MARCHF1: variants seen among roughly 807,000 people sequenced by gnomAD.
The protein encoded by MARCHF1 is membrane associated ring-CH-type finger 1.
In MARCHF1, 40 loss-of-function variants were observed where a neutral mutation model predicts 54.2. The ratio of observed to expected loss-of-function variants is 0.74; its 90% CI spans 0.57 to 0.96. The LOEUF (loss-of-function observed/expected upper bound fraction) is 0.96, where lower values mean the gene tolerates loss of function less well. MARCHF1 is among the 40% of genes least tolerant of loss of function. MARCHF1 has a pLI of 0.00. For missense variants in MARCHF1, 586 were observed against 656.5 expected (o/e 0.89, Z 1.17); for synonymous variants, 236 against 236.3 (o/e 1.00, Z 0.01).
At chr4:163,709,660 A>G (rs1745049622) in intron 4 of MARCHF1, among the ~76,000 whole-genome samples, 1 of 152,230 alleles carries the variant, frequency 6.6e-6, no homozygotes. Context: ...ATATACAGGC[A>G]CTAAATTATT....
chr4:163,976,440 A>G (rs530235188), intron 3 of MARCHF1, among the ~76,000 whole-genome samples: 1 of 152,296 alleles, frequency 6.6e-6, no homozygotes, highest in African/African-American at 2.4e-5. Flanking sequence ...GAAGAAATAT[A>G]AATAACTGTG....
At chr4:163,708,105 G>T (rs933785372) in intron 4 of MARCHF1, among the ~76,000 whole-genome samples, 2 of 151,534 alleles carry the variant, frequency 1.3e-5, no homozygotes, top group African/African-American at 2.4e-5. Flanking sequence ...ATCCCCCCCT[G>T]TAGCAGCAGC....
intron 1 of MARCHF1, among the ~76,000 whole-genome samples, chr4:164,326,158 T>A (rs985671761): frequency 2.6e-5 from 4 of 152,196 alleles, no homozygotes; most frequent in Non-Finnish European, 4.4e-5. Flanking sequence ...TTTAAAAAAT[T>A]CTTGCCTTTA....
chr4:164,193,094 A>C (rs955775881), intron 1 of MARCHF1, among the ~76,000 whole-genome samples: 8 of 152,072 alleles, frequency 5.3e-5, no homozygotes, highest in Admixed American at 3.3e-4. Flanking sequence ...GTCAGAGGTT[A>C]CCTCTTAGGC....
Position 163,854,067 on chromosome 4 carries a change from G to A in MARCHF1, c.65C>T (p.Pro22Leu). ...PHRIPNNTRT[P>L]EISGDLADAS... ...GTCAGCCAAATCCCCTGAGATCTCG[G>A]GTGTTCGCGTGTTGTTTGGAATTCT... is the stretch of plus-strand genomic sequence containing the variant. Residue 22 changes from proline to leucine, a missense_variant, in exon 4 of 10, where the codon CCC (proline) becomes CTC (leucine). Coordinates refer to ENST00000514618, the MANE Select transcript of MARCHF1 (RefSeq NM_001394959.1). The A allele has an allele frequency of 2.0e-6, 3 of 1,536,764 alleles. No individual in the cohort carries two copies. Among genetic ancestry groups the A allele is most frequent in the Non-Finnish European group, 1.7e-6 (2 of 1,146,648 alleles).
Position 163,742,268 on chromosome 4 carries a change from T to C in MARCHF1, c.112-41405A>G, listed in dbSNP as rs577678357. On this transcript the variant is annotated intron_variant, in intron 4 of 9. Coordinates refer to ENST00000514618, the MANE Select transcript of MARCHF1 (RefSeq NM_001394959.1). ...CAGACTGAATGATGTCAAACAAATA[T>C]GGCAGTCAATTATTGGCTAGTACTA... Among the ~76,000 whole-genome samples the C allele has an allele frequency of 5.3e-5, 8 of 152,260 alleles. No individual in the cohort carries two copies. In the South Asian group the frequency reaches 1.7e-3, roughly 32 times the overall value.
intron 3 of MARCHF1, among the ~76,000 whole-genome samples, chr4:163,983,987 A>T (rs993795399): frequency 6.6e-6 from 1 of 151,812 alleles, no homozygotes; most frequent in African/African-American, 2.4e-5. Flanking sequence ...AAATTTTACT[A>T]AAAATTACTA....
At chr4:164,245,448 C>T (rs1732917624) in intron 1 of MARCHF1, among the ~76,000 whole-genome samples, 2 of 152,104 alleles carry the variant, frequency 1.3e-5, no homozygotes, top group Non-Finnish European at 2.9e-5. Context: ...TGGGACATAT[C>T]TCAAAATAAT....
rs1210352984 is a variant in MARCHF1 at position 164,252,865 on chromosome 4, TA to T, written c.-323+131004del. 3.9e-5 allele frequency among the ~76,000 whole-genome samples: 6 copies of T among 152,256 alleles called. No individual in the cohort carries two copies. The East Asian group carries it at 1.2e-3, about 29-fold the overall frequency. ...ATGAGGAATATAGATTCGGAAGTTC[TA>T]AGATCTATTTCTTAGCAGTCCTAGA... On this transcript the variant is annotated intron_variant, in intron 1 of 9. Coordinates refer to ENST00000514618, the MANE Select transcript of MARCHF1 (RefSeq NM_001394959.1).
chr4:163,595,531 T>C (rs1740738367), intron 7 of MARCHF1, among the ~76,000 whole-genome samples: 1 of 152,012 alleles, frequency 6.6e-6, no homozygotes, highest in Non-Finnish European at 1.5e-5. Flanking sequence ...AAATGTGGTA[T>C]ATATACACAA....
intron 7 of MARCHF1, among the ~76,000 whole-genome samples, chr4:163,592,884 C>T (rs1740638184): frequency 6.6e-6 from 1 of 152,038 alleles, no homozygotes; most frequent in Non-Finnish European, 1.5e-5. Flanking sequence ...TCCCCCATTC[C>T]CTCTATTGAT....
chr4:163,553,614 A>C (rs1739188164), intron 8 of MARCHF1, among the ~76,000 whole-genome samples: 1 of 152,228 alleles, frequency 6.6e-6, no homozygotes, highest in South Asian at 2.1e-4. Flanking sequence ...AAATGGAGCA[A>C]ATATCATTAT....
At chr4:164,282,913 G>A (rs1324892099) in intron 1 of MARCHF1, among the ~76,000 whole-genome samples, 1 of 151,122 alleles carries the variant, frequency 6.6e-6, no homozygotes, top group Non-Finnish European at 1.5e-5. Flanking sequence ...TATCTATCAA[G>A]CACTTATAAA....
At chr4:163,524,310 G>GT (rs894932623), downstream of MARCHF1, 21 of 152,170 alleles carry the variant, frequency 1.4e-4, no homozygotes, top group East Asian at 1.9e-3. Context: ...AAACAGCTTT[G>GT]TTTTTTGCTA....
Position 163,528,974 on chromosome 4 carries a change from A to G in MARCHF1, c.1412T>C (p.Met471Thr). The change falls in exon 10 of 10, where the codon ATG becomes ACG. Residue 471 changes from methionine (M) to threonine (T), a missense_variant. Met to Thr is a moderately conservative substitution (Grantham distance 81, BLOSUM62 -1). Around this residue, in one of 3 missense-constraint regions of MARCHF1, gnomAD observed 106 missense variants for 93.8 expected, o/e 1.13. Transcript: ENST00000514618. ...AIGFTGGLVF[M>T]YVQCKVYVQL... ...AACATAGACTTTACACTGTACGTAC[A>G]TGAAGACAAGACCTCCTGTGAAGCC... The G allele has an allele frequency of 6.2e-7, 1 of 1,613,108 alleles. No homozygotes were observed. Among genetic ancestry groups the G allele is most frequent in the Non-Finnish European group, 8.5e-7 (1 of 1,179,434 alleles).
chr4:164,144,277 A>C (rs1258809937), intron 1 of MARCHF1, among the ~76,000 whole-genome samples: 1 of 151,784 alleles, frequency 6.6e-6, no homozygotes, highest in Non-Finnish European at 1.5e-5. Context: ...CAGAAAGTCA[A>C]CAAGGATACC....
intron 7 of MARCHF1, among the ~76,000 whole-genome samples, chr4:163,595,513 T>C (rs1262368905): frequency 6.6e-6 from 1 of 152,096 alleles, no homozygotes; most frequent in Non-Finnish European, 1.5e-5. Flanking sequence ...TAAGACCCTG[T>C]CTCCAAAAAA....
chr4:163,895,841 A>C (rs561327679), intron 3 of MARCHF1, among the ~76,000 whole-genome samples: 2 of 152,232 alleles, frequency 1.3e-5, no homozygotes, highest in East Asian at 3.9e-4. Flanking sequence ...AGAGTCCCTA[A>C]GCCTCCTCAG....
intron 3 of MARCHF1, among the ~76,000 whole-genome samples, chr4:163,888,854 T>G (rs1433376499): frequency 1.3e-5 from 2 of 152,172 alleles, no homozygotes; most frequent in East Asian, 1.9e-4. Flanking sequence ...CAGCAAGCAC[T>G]GTTTTGCTGT....
Sources: gnomAD v4.1 joint callset for allele counts (sites outside exome capture counted in the v4.1 genomes callset) on GRCh38, gnomAD v4.1.1 for gene constraint, gnomAD v4.1.1 regional missense constraint, MANE v1.5 for transcripts, NCBI Gene and HGNC (gene_info 2026-07-23, HGNC 2026-07-21) for gene names.